Variants in CRAMP1 observed in about 807,000 individuals in gnomAD.
The protein encoded by CRAMP1 is cramped chromatin regulator 1.
In CRAMP1, 50 loss-of-function variants were observed where a neutral mutation model predicts 115.4. The ratio of observed to expected loss-of-function variants is 0.43; its 90% CI spans 0.35 to 0.55. The LOEUF (loss-of-function observed/expected upper bound fraction) is 0.55. Among genes scored for constraint, CRAMP1 ranks in the 20% least tolerant of loss-of-function variants. The pLI is 0.01. For missense variants in CRAMP1, 1,679 were observed against 1,721.7 expected (o/e 0.98, Z 0.44); for synonymous variants, 866 against 745.4 (o/e 1.16, Z -2.64).
intron 4 of CRAMP1, among the ~76,000 whole-genome samples, chr16:1,632,993 C>G (rs113850245): frequency 6.6e-6 from 1 of 152,340 alleles, no homozygotes; most frequent in African/African-American, 2.4e-5. Flanking sequence ...TCCAGCAGCG[C>G]ACCTGTGCTG....
At chr16:1,673,129 T>C (rs556523656) in intron 20 of CRAMP1, among the ~76,000 whole-genome samples, 10 of 148,094 alleles carry the variant, frequency 6.8e-5, no homozygotes, top group Non-Finnish European at 1.3e-4. Context: ...ATGTCTCTGA[T>C]GGGAACGTGC....
intron 13 of CRAMP1, 112 bp downstream of exon 13, chr16:1,662,947 C>T (rs2036845688): frequency 1.3e-6 from 1 of 757,318 alleles, no homozygotes; most frequent in Admixed American, 2.7e-5. Flanking sequence ...AATTCCTGCC[C>T]CTTCCTTCCC....
At chr16:1,624,793 A>G (rs2036495463) in intron 2 of CRAMP1, among the ~76,000 whole-genome samples, 1 of 152,144 alleles carries the variant, frequency 6.6e-6, no homozygotes, top group South Asian at 2.1e-4. Context: ...AATGTTGGCC[A>G]GGTTGGTCTC....
chr16:1,632,406 A>G (rs1183967174), intron 4 of CRAMP1, 41 bp downstream of exon 4: 1 of 1,548,318 alleles, frequency 6.5e-7, no homozygotes, highest in Admixed American at 2.0e-5. Context: ...GCCCACAGGC[A>G]GGGCCGGCTT....
chr16:1,623,730 G>C (rs1244730379), intron 2 of CRAMP1, among the ~76,000 whole-genome samples: 1 of 152,230 alleles, frequency 6.6e-6, no homozygotes, highest in Non-Finnish European at 1.5e-5. Flanking sequence ...TAGTGAGCCA[G>C]AGTGCCCTGT....
At chr16:1,640,608 C>T (rs1210516938) in intron 5 of CRAMP1, among the ~76,000 whole-genome samples, 1 of 152,226 alleles carries the variant, frequency 6.6e-6, no homozygotes. Flanking sequence ...GAGTCCCGAG[C>T]AGGTCACAGG....
At chr16:1,641,909 G>A (rs570988212) in intron 6 of CRAMP1, among the ~76,000 whole-genome samples, 285 of 151,776 alleles carry the variant, frequency 1.9e-3, no homozygotes, top group African/African-American at 5.5e-3. Context: ...CCTGGGGGGG[G>A]GTCCCCGTTC....
At chr16:1,673,818 C>T (rs541186362) in intron 20 of CRAMP1, 63 bp from the exon 21 acceptor site, 19 of 1,510,002 alleles carry the variant, frequency 1.3e-5, no homozygotes, top group African/African-American at 5.5e-5. Context: ...TTTCAGGACC[C>T]GCCCTCCACT....
At chr16:1,639,652 T>C (rs1327710137) in intron 5 of CRAMP1, among the ~76,000 whole-genome samples, 2 of 152,192 alleles carry the variant, frequency 1.3e-5, no homozygotes, top group Admixed American at 6.5e-5. Context: ...CCAGTCAGGC[T>C]GAAGTGAAGT....
intron 2 of CRAMP1, among the ~76,000 whole-genome samples, 178 bp downstream of exon 2, chr16:1,615,163 C>T (rs960074231): frequency 6.6e-6 from 1 of 152,256 alleles, no homozygotes; most frequent in East Asian, 1.9e-4. Context: ...TTCGAAGAGG[C>T]TGCGACTTTC....
chr16:1,614,823 C>A lies in CRAMP1; in HGVS notation c.184C>A (p.Pro62Thr), dbSNP rs1350015646. ...PRAGADGPPAPPGAPQAPSPP... is the reference protein window; with the variant it reads ...PRAGADGPPATPGAPQAPSPP... Reference sequence around the variant, plus strand: ...GGCCGGCGCCGACGGCCCCCCCGCGCCCCCCGGCGCGCCGCAGGCGCCGTC... The same window carrying A: ...GGCCGGCGCCGACGGCCCCCCCGCGACCCCCGGCGCGCCGCAGGCGCCGTC... Residue 62 changes from proline to threonine, a missense_variant, in exon 2 of 21, where the codon CCC (proline) becomes ACC (threonine). By Grantham distance (38) the Pro-to-Thr change is conservative. Transcript: ENST00000397412. This position sits in a 1 kb window ranked among gnomAD's most constrained non-coding sequence, Gnocchi z 4.4. 3.9e-6 allele frequency: 5 copies of A among 1,265,928 alleles called. No individual in the cohort carries two copies. The East Asian group carries it at 9.5e-5, about 24-fold the overall frequency. The allele number at this position is 1,265,928 out of a possible 1,614,324, so 78.4% of individuals were successfully genotyped here. A position where few individuals can be genotyped will look rare whatever the true frequency, so the allele number is the denominator to read the frequency against.
chr16:1,646,963 G>C, intron 6 of CRAMP1: 2 of 698,612 alleles, frequency 2.9e-6, no homozygotes, highest in Non-Finnish European at 2.6e-6. Flanking sequence ...GTACCGTGTG[G>C]TTCCATTCTG....
chr16:1,635,347 C>A (rs915547719), intron 4 of CRAMP1, among the ~76,000 whole-genome samples: 2 of 152,228 alleles, frequency 1.3e-5, no homozygotes, highest in Non-Finnish European at 2.9e-5. Context: ...GTGTGTTCGT[C>A]TTACTAATCT....
chr16:1,668,048 C>A lies in CRAMP1; in HGVS notation c.3189C>A (p.Ser1063=). The part of the protein sequence containing the change: ...LSIPLSSSES[S]STRLSPPDVS... ...TACCGCTGTCCTCGTCAGAGAGCTCCAGCACCCGGCTGTCTCCACCAGACG... is the reference window on the plus strand; with the variant it reads ...TACCGCTGTCCTCGTCAGAGAGCTCAAGCACCCGGCTGTCTCCACCAGACG... Residue 1063 remains serine, a synonymous_variant, in exon 18 of 21, where the codon TCC becomes TCA. Coordinates refer to ENST00000397412, the MANE Select transcript of CRAMP1 (RefSeq NM_020825.4). 6.2e-7 allele frequency: 1 copy of A among 1,613,958 alleles called. No individual in the cohort carries two copies.
intron 6 of CRAMP1, among the ~76,000 whole-genome samples, chr16:1,645,649 C>T (rs2036668326): frequency 6.6e-6 from 1 of 152,152 alleles, no homozygotes; most frequent in Non-Finnish European, 1.5e-5. Flanking sequence ...GGGGGCAGTT[C>T]ACTGCCCTGA....
chr16:1,620,622 G>C (rs2036458284), intron 2 of CRAMP1: 1 of 456,970 alleles, frequency 2.2e-6, no homozygotes, highest in African/African-American at 2.0e-5. Flanking sequence ...TTCTGCGTCT[G>C]ACCTCTCACG....
chr16:1,637,770 C>A, intron 4 of CRAMP1, 54 bp from the exon 5 acceptor site: 3 of 905,144 alleles, frequency 3.3e-6, no homozygotes, highest in Non-Finnish European at 4.8e-6. Flanking sequence ...ACACCCAAGC[C>A]AGGCAGCGCC....
At position 1,614,755 on chromosome 16, in the gene CRAMP1, C is replaced by T; in HGVS notation, c.116C>T (p.Ala39Val). Residue 39 changes from alanine to valine, a missense_variant, in exon 2 of 21, where the codon GCC (alanine) becomes GTC (valine). Coordinates refer to ENST00000397412, the MANE Select transcript of CRAMP1 (RefSeq NM_020825.4). The surrounding 1 kb of genome is among the most constrained non-coding windows in gnomAD (Gnocchi z 4.4). Reference sequence around the variant, plus strand: ...GAAGGGGCCGGCGGCGCAGACGCGGCCGAGGAGAGCAGCGGCACAAAGAGG... The same window carrying T: ...GAAGGGGCCGGCGGCGCAGACGCGGTCGAGGAGAGCAGCGGCACAAAGAGG... ...EGEGAGGADAAEESSGTKRDE... is the reference protein window; with the variant it reads ...EGEGAGGADAVEESSGTKRDE... 2.9e-6 allele frequency: 4 copies of T among 1,368,478 alleles called. No homozygotes were observed. The highest frequency in any genetic ancestry group is 2.6e-5 in the Admixed American group (1 of 38,694). The allele number at this position is 1,368,478 out of a possible 1,614,324, so 84.8% of individuals were successfully genotyped here. A position where few individuals can be genotyped will look rare whatever the true frequency, so the allele number is the denominator to read the frequency against.
At chr16:1,637,700 T>G (rs1202975963) in intron 4 of CRAMP1, 124 bp from the exon 5 acceptor site, 2 of 446,920 alleles carry the variant, frequency 4.5e-6, no homozygotes, top group Non-Finnish European at 8.1e-6. Context: ...GGTTGACAGC[T>G]TGCATGACAA....
Sources: allele counts gnomAD v4.1 joint callset (sites outside exome capture counted in the v4.1 genomes callset), GRCh38; gene constraint gnomAD v4.1.1; non-coding constraint Gnocchi (gnomAD v3.1); transcripts MANE v1.5; gene names NCBI Gene and HGNC (gene_info 2026-07-23, HGNC 2026-07-21).